Variants in PLCH1 observed in about 807,000 individuals in gnomAD.
PLCH1 encodes phospholipase C eta 1.
A neutral mutation model predicts 126.7 loss-of-function variants in PLCH1; 60 were observed. The ratio of observed to expected loss-of-function variants is 0.47; its 90% confidence interval spans 0.38 to 0.59. PLCH1 has a LOEUF of 0.59. Among genes scored for constraint, PLCH1 ranks in the 20% least tolerant of loss-of-function variants. The pLI is 0.00. For synonymous variants in PLCH1, 719 were observed against 734.9 expected (o/e 0.98, Z 0.35); for missense variants, 1,723 against 2,040.0 (o/e 0.84, Z 2.99).
chr3:155,455,510 G>A (rs192917332), intron 21 of PLCH1, among the ~76,000 whole-genome samples: 20 of 152,268 alleles, frequency 1.3e-4, no homozygotes, highest in Admixed American at 2.0e-4. Context: ...TATATTCTGC[G>A]TTCAGAAAAT....
rs111922079 is a variant in PLCH1 at position 155,526,642 on chromosome 3, G to A, written c.1363-2638C>T. Among the ~76,000 whole-genome samples, 67 of 152,114 alleles carry A rather than the reference G, an allele frequency of 4.4e-4. 1 individual carries two copies. The highest frequency in any genetic ancestry group is 1.5e-3 in the African/African-American group (64 of 41,482). ...AATGTGCCAACAACAACCACTAAAG[G>A]AATCTCGGAAGCAGAGCTTCCCTCA... is the stretch of plus-strand genomic sequence containing the variant. On this transcript the variant is annotated intron_variant, in intron 10 of 22. Coordinates refer to ENST00000460012, the MANE Select transcript of PLCH1 (RefSeq NM_014996.4).
At chr3:155,566,104 T>TATATATACATATATATATGA (rs1728328305) in intron 7 of PLCH1, among the ~76,000 whole-genome samples, 1 of 142,218 alleles carries the variant, frequency 7.0e-6, no homozygotes, top group Non-Finnish European at 1.5e-5. Flanking sequence ...TAACCTAATA[T>TATATATACATATATATATGA]ATATATACAT....
At chr3:155,621,314 C>A (rs534194320) in intron 2 of PLCH1, among the ~76,000 whole-genome samples, 2 of 152,124 alleles carry the variant, frequency 1.3e-5, no homozygotes, top group African/African-American at 4.8e-5. Flanking sequence ...GAGAAACCAG[C>A]GCAAAACGAC....
intron 10 of PLCH1, among the ~76,000 whole-genome samples, chr3:155,533,081 G>C (rs1411923512): frequency 1.3e-5 from 2 of 152,230 alleles, no homozygotes; most frequent in African/African-American, 4.8e-5. Context: ...GGGAACTGGA[G>C]CAAAGATCAG....
intron 8 of PLCH1, among the ~76,000 whole-genome samples, chr3:155,557,821 C>T (rs1727031448): frequency 1.3e-5 from 2 of 152,150 alleles, no homozygotes; most frequent in African/African-American, 2.4e-5. Flanking sequence ...GACAGCTTTT[C>T]ATAATGGAGC....
At chr3:155,544,351 T>C (rs1241573923) in intron 10 of PLCH1, among the ~76,000 whole-genome samples, 1 of 152,128 alleles carries the variant, frequency 6.6e-6, no homozygotes, top group Non-Finnish European at 1.5e-5. Flanking sequence ...CCTAAATATA[T>C]ATGCACCCAA....
chr3:155,544,583 A>C (rs1440910633), intron 10 of PLCH1, among the ~76,000 whole-genome samples: 18 of 152,194 alleles, frequency 1.2e-4, no homozygotes, highest in African/African-American at 2.6e-4. Flanking sequence ...ACAGAATATA[A>C]ATTTTTTTCA....
At chr3:155,663,831 A>G (rs1211598415) in intron 2 of PLCH1, among the ~76,000 whole-genome samples, 2 of 152,160 alleles carry the variant, frequency 1.3e-5, no homozygotes, top group Non-Finnish European at 2.9e-5. Context: ...TAATTTGCCA[A>G]TCATTAGAGG....
At chr3:155,497,805 C>T (rs1468648918) in intron 14 of PLCH1, among the ~76,000 whole-genome samples, 1 of 152,172 alleles carries the variant, frequency 6.6e-6, no homozygotes, top group Non-Finnish European at 1.5e-5. Flanking sequence ...ACCTCTGCCT[C>T]CCAGGTTCAA....
At chr3:155,715,715 G>C (rs1207202723) in intron 1 of PLCH1, among the ~76,000 whole-genome samples, 4 of 150,844 alleles carry the variant, frequency 2.7e-5, no homozygotes, top group Non-Finnish European at 5.9e-5. Flanking sequence ...TAGGATTAAG[G>C]GATCCTCATG....
At chr3:155,568,187 G>T in intron 7 of PLCH1, 44 bp downstream of exon 7, 1 of 865,234 alleles carries the variant, frequency 1.2e-6, no homozygotes, top group Non-Finnish European at 1.9e-6. Flanking sequence ...TAACTTAACA[G>T]GCTGAATCAA....
intron 6 of PLCH1, among the ~76,000 whole-genome samples, chr3:155,580,024 A>G (rs906713616): frequency 1.1e-4 from 16 of 152,212 alleles, no homozygotes; most frequent in African/African-American, 3.9e-4. Context: ...AGTTCAAAAA[A>G]TACAATTCAA....
At position 155,596,285 on chromosome 3, in the gene PLCH1, T is replaced by C. The variant is rs1180346372; in HGVS notation, c.173A>G (p.Glu58Gly). ...KGLVRLFYLD[E>G]HRTRLRWRPS... ...TCGCCATCGGAGGCGTGTCCGGTGC[T>C]CATCCAGGTAAAAGAGGCGGACAAG... Residue 58 changes from glutamate (E) to glycine (G), a missense_variant, in exon 3 of 23, where the codon GAG becomes GGG. Transcript: ENST00000460012. The C allele has an allele frequency of 6.2e-7, 1 of 1,613,702 alleles. No individual in the cohort carries two copies. The highest frequency in any genetic ancestry group is 1.1e-5 in the South Asian group (1 of 91,060).
In PLCH1 at chr3:155,482,719, C is replaced by G. The variant is rs762304657; in HGVS notation, c.3307G>C (p.Gly1103Arg). ...CCTTCCACAAAGTCCTCAGGATTAC[C>G]CTTTTCCTTGATTTTCACACCATGC... is the stretch of plus-strand genomic sequence containing the variant. The part of the protein sequence containing the change: ...DLHGVKIKEK[G>R]NPEDFVEGKS... Residue 1103 changes from glycine (G) to arginine (R), a missense_variant, in exon 23 of 23, where the codon GGT becomes CGT. Coordinates refer to ENST00000460012, the MANE Select transcript of PLCH1 (RefSeq NM_014996.4). 3 of 1,614,154 alleles carry G rather than the reference C, an allele frequency of 1.9e-6. No homozygotes were observed. In the South Asian group the frequency reaches 3.3e-5, roughly 18 times the overall value.
intron 22 of PLCH1, among the ~76,000 whole-genome samples, chr3:155,484,214 T>G (rs1214362326): frequency 6.6e-6 from 1 of 152,218 alleles, no homozygotes; most frequent in Non-Finnish European, 1.5e-5. Flanking sequence ...TCAAAATTGC[T>G]TTCTAACTCA....
intron 2 of PLCH1, among the ~76,000 whole-genome samples, chr3:155,646,796 C>T (rs575903181): frequency 1.2e-4 from 19 of 152,304 alleles, no homozygotes; most frequent in Admixed American, 3.9e-4. Flanking sequence ...CCCAAGCTCA[C>T]GCTCTCTATA....
chr3:155,530,804 C>T (rs995106969), intron 10 of PLCH1, among the ~76,000 whole-genome samples: 10 of 152,128 alleles, frequency 6.6e-5, no homozygotes, highest in African/African-American at 2.4e-4. Flanking sequence ...CCAGACTTAT[C>T]AAAGGAATCA....
downstream of PLCH1, among the ~76,000 whole-genome samples, chr3:155,475,442 T>C (rs1476023927): frequency 6.6e-6 from 1 of 151,282 alleles, no homozygotes; most frequent in Non-Finnish European, 1.5e-5. Flanking sequence ...AAACCCAAAA[T>C]TAGTAGAAAA....
At chr3:155,519,763 AG>A (rs1720825335) in intron 11 of PLCH1, among the ~76,000 whole-genome samples, 1 of 149,758 alleles carries the variant, frequency 6.7e-6, no homozygotes, top group South Asian at 2.1e-4. Context: ...AAGGCAAAAA[AG>A]TTGAGGACCT....
Sources: gnomAD v4.1 joint callset for allele counts (sites outside exome capture counted in the v4.1 genomes callset) on GRCh38, gnomAD v4.1.1 for gene constraint, MANE v1.5 for transcripts, NCBI Gene and HGNC (gene_info 2026-07-23, HGNC 2026-07-21) for gene names.